The following COL4A4 variants were observed in gnomAD, a reference collection of about 807,000 sequenced individuals.
COL4A4 encodes collagen alpha-4(IV) chain.
COL4A4 carries 105 observed loss-of-function variants against 192.9 expected under a neutral mutation model. The observed-to-expected ratio is 0.54, with a 90% CI of 0.46 to 0.64. COL4A4 has a LOEUF of 0.64. Ranked by LOEUF, COL4A4 falls within the 30% of genes least tolerant of loss-of-function variation. COL4A4 has a pLI of 0.00. For synonymous variants in COL4A4, 762 were observed against 769.9 expected (o/e 0.99, Z 0.17); for missense variants, 1,967 against 2,169.3 (o/e 0.91, Z 1.85).
At chr2:226,974,637 A>T in the COL4A4 span, among the ~76,000 whole-genome samples, 1 of 152,174 alleles carries the variant, frequency 6.6e-6, no homozygotes, top group Non-Finnish European at 1.5e-5. Flanking sequence ...TAGTTATTAC[A>T]TTCTTCTGGT....
chr2:226,992,130 A>C, the COL4A4 span, among the ~76,000 whole-genome samples: 1 of 152,308 alleles, frequency 6.6e-6, no homozygotes, highest in Middle Eastern at 3.4e-3. Flanking sequence ...CATATGACAC[A>C]AGTGGAAACT....
At chr2:227,071,045 G>T (rs2058692549) in intron 25 of COL4A4, among the ~76,000 whole-genome samples, 1 of 151,878 alleles carries the variant, frequency 6.6e-6, no homozygotes, top group African/African-American at 2.4e-5. Flanking sequence ...ATGATGAAGA[G>T]AACAATACCT....
At chr2:227,145,081 T>G (rs1250772061) in intron 2 of COL4A4, among the ~76,000 whole-genome samples, 1 of 152,116 alleles carries the variant, frequency 6.6e-6, no homozygotes, top group Admixed American at 6.5e-5. Flanking sequence ...GCCTTATAAG[T>G]GAGGCAGAAA....
At chr2:227,009,106 G>C (rs960256017) in intron 46 of COL4A4, among the ~76,000 whole-genome samples, 1 of 152,204 alleles carries the variant, frequency 6.6e-6, no homozygotes, top group African/African-American at 2.4e-5. Context: ...CCTTTCTCCT[G>C]TGCTCAAAGA....
At chr2:226,980,650 A>G in the COL4A4 span, among the ~76,000 whole-genome samples, 1 of 152,212 alleles carries the variant, frequency 6.6e-6, no homozygotes, top group South Asian at 2.1e-4. Context: ...TCTTAAAACC[A>G]TATAGTCCTT....
rs571101005 is a variant in COL4A4 at position 227,012,723 on chromosome 2, T to A, written c.4217-426A>T. Among the ~76,000 whole-genome samples the A allele has an allele frequency of 2.6e-5, 4 of 151,714 alleles. No individual in the cohort carries two copies. The South Asian group carries it at 8.3e-4, about 31-fold the overall frequency. On this transcript the variant is annotated intron_variant, in intron 44 of 47. Transcript: ENST00000396625. ...TTGTTTCAAAGCCTAGATGGAGAAA[T>A]GAATGAAACTTAATCGGTTTCATTT...
At chr2:227,021,962 T>C in intron 44 of COL4A4, 86 bp downstream of exon 44, 1 of 1,485,422 alleles carries the variant, frequency 6.7e-7, no homozygotes, top group Non-Finnish European at 9.2e-7. Flanking sequence ...TTAGGCTCCA[T>C]ATAAAAAGCT....
At chr2:226,998,515 A>T (rs1029807055), downstream of COL4A4, 6 of 152,226 alleles carry the variant, frequency 3.9e-5, no homozygotes, top group South Asian at 2.1e-4. Flanking sequence ...TTAGTCAAAA[A>T]ATATATATAT....
At chr2:226,977,094 G>A in the COL4A4 span, among the ~76,000 whole-genome samples, 1 of 152,054 alleles carries the variant, frequency 6.6e-6, no homozygotes, top group East Asian at 1.9e-4. Flanking sequence ...CTGTCTTCAT[G>A]GAAAAAGGGA....
At chr2:226,996,380 T>C in the COL4A4 span, 1 of 152,232 alleles carries the variant, frequency 6.6e-6, no homozygotes, top group African/African-American at 2.4e-5. Flanking sequence ...AAGTGCCTCT[T>C]AATTGGCCAT....
At chr2:227,108,367 A>G (rs900286081) in intron 12 of COL4A4, among the ~76,000 whole-genome samples, 6 of 152,248 alleles carry the variant, frequency 3.9e-5, no homozygotes, top group African/African-American at 1.4e-4. Flanking sequence ...GTGTTGCACA[A>G]ATTAACCCGA....
intron 1 of COL4A4, 41 bp from the exon 2 acceptor site, chr2:227,147,625 T>G: frequency 1.4e-6 from 1 of 706,420 alleles, no homozygotes; most frequent in Non-Finnish European, 2.5e-6. Context: ...CAGCATGCAT[T>G]ATAATGTTGA....
intron 24 of COL4A4, among the ~76,000 whole-genome samples, 179 bp from the exon 25 acceptor site, chr2:227,078,256 A>G (rs936699922): frequency 6.6e-6 from 1 of 152,064 alleles, no homozygotes; most frequent in Non-Finnish European, 1.5e-5. Context: ...AAATATATAT[A>G]TATAGAAATG....
intron 29 of COL4A4, 141 bp from the exon 30 acceptor site, chr2:227,056,256 TC>T: frequency 1.4e-6 from 1 of 727,192 alleles, no homozygotes; most frequent in East Asian, 2.7e-5. Flanking sequence ...GTAGCAACTT[TC>T]CATCAATCTA....
At chr2:227,113,882 TA>T (rs1001933030) in intron 8 of COL4A4, among the ~76,000 whole-genome samples, 1 of 152,156 alleles carries the variant, frequency 6.6e-6, no homozygotes, top group African/African-American at 2.4e-5. Context: ...TATTCTTCCT[TA>T]AGAGAAATGA....
At chr2:227,149,312 C>A (rs1382334152) in intron 1 of COL4A4, among the ~76,000 whole-genome samples, 1 of 152,094 alleles carries the variant, frequency 6.6e-6, no homozygotes, top group East Asian at 1.9e-4. Flanking sequence ...TTTTCCTATC[C>A]CTAAATCCAT....
chr2:227,089,588 C>CATATATATATACATATATATATATAT, intron 21 of COL4A4, among the ~76,000 whole-genome samples: 1 of 102,234 alleles, frequency 9.8e-6, no homozygotes. Context: ...GCAAATGTTC[C>CATATATATATACATATATATATATAT]ATATATATAT....
At chr2:227,142,060 T>G (rs1020301310) in intron 3 of COL4A4, among the ~76,000 whole-genome samples, 7 of 141,582 alleles carry the variant, frequency 4.9e-5, no homozygotes, top group Non-Finnish European at 7.8e-5. Flanking sequence ...AAAACTATGT[T>G]TCAGGAAAGA....
chr2:227,010,005 G>A (rs1356248461), intron 46 of COL4A4, among the ~76,000 whole-genome samples: 1 of 152,100 alleles, frequency 6.6e-6, no homozygotes, highest in African/African-American at 2.4e-5. Flanking sequence ...TTTCATAACA[G>A]AGTTACATTT....
Sources: gnomAD v4.1 joint callset for allele counts (sites outside exome capture counted in the v4.1 genomes callset) on GRCh38, gnomAD v4.1.1 for gene constraint, MANE v1.5 for transcripts, NCBI Gene and HGNC (gene_info 2026-07-23, HGNC 2026-07-21) for gene names.